The following WLS variants were observed in gnomAD, a reference collection of about 807,000 sequenced individuals.
The protein encoded by WLS is protein wntless homolog.
In WLS, 23 loss-of-function variants were observed where a neutral mutation model predicts 62.8. The observed-to-expected ratio is 0.37, with a 90% CI of 0.26 to 0.52. The LOEUF is 0.52. Ranked by LOEUF, WLS falls within the 20% of genes least tolerant of loss-of-function variation. The pLI is 0.92. For synonymous variants in WLS, 246 were observed against 244.1 expected (o/e 1.01, Z -0.07); for missense variants, 615 against 697.3 (o/e 0.88, Z 1.33).
At chr1:68,148,095 A>G in intron 8 of WLS, 41 bp downstream of exon 8, 2 of 1,608,272 alleles carry the variant, frequency 1.2e-6, no homozygotes, top group Non-Finnish European at 8.5e-7. Context: ...CTGGGTGGCC[A>G]GGGGAAGAAA....
intron 1 of WLS, among the ~76,000 whole-genome samples, chr1:68,210,430 G>A (rs1649467407): frequency 6.6e-6 from 1 of 152,194 alleles, no homozygotes; most frequent in Admixed American, 6.5e-5. Context: ...GCATTCATGA[G>A]TGGAAATTAC....
chr1:68,152,068 G>C (rs991947212), intron 5 of WLS, among the ~76,000 whole-genome samples: 3 of 152,160 alleles, frequency 2.0e-5, no homozygotes, highest in African/African-American at 7.2e-5. Context: ...AGACATACAG[G>C]ATGACTCACT....
chr1:68,150,171 C>T lies in WLS; in HGVS notation c.972+17G>A. 6.2e-7 allele frequency: 1 copy of T among 1,612,678 alleles called. No homozygotes were observed. Among genetic ancestry groups the T allele is most frequent in the Non-Finnish European group, 8.5e-7 (1 of 1,179,290 alleles). On this transcript the variant is annotated intron_variant, in intron 6 of 11. Coordinates refer to ENST00000262348, the MANE Select transcript of WLS (RefSeq NM_024911.7). ...GAGCAGCTGGTACAGACGTCTGTCC[C>T]TCCCGGCGGCTCTTACCATCATGTG...
chr1:68,212,989 A>G (rs563722912), intron 1 of WLS, among the ~76,000 whole-genome samples: 113 of 152,350 alleles, frequency 7.4e-4, no homozygotes, highest in Non-Finnish European at 1.3e-3. Context: ...CATCTAAAAT[A>G]AATTTCTAAT....
chr1:68,175,978 A>G (rs532933821), intron 2 of WLS, among the ~76,000 whole-genome samples: 2 of 152,342 alleles, frequency 1.3e-5, no homozygotes, highest in South Asian at 2.1e-4. Flanking sequence ...TTTGTTTCTG[A>G]CAAGTTTCGT....
chr1:68,110,163 A>C (rs1194802648), intron 11 of WLS, among the ~76,000 whole-genome samples: 1 of 151,912 alleles, frequency 6.6e-6, no homozygotes, highest in Non-Finnish European at 1.5e-5. Context: ...ATAAATATGT[A>C]TGAACAAAGG....
intron 1 of WLS, among the ~76,000 whole-genome samples, chr1:68,213,172 C>T (rs111858378): frequency 4.6e-5 from 7 of 152,038 alleles, no homozygotes; most frequent in African/African-American, 7.2e-5. Context: ...GAAGTAAAGC[C>T]GGGCGTGGTG....
chr1:68,193,463 G>C (rs1648481390), intron 2 of WLS, among the ~76,000 whole-genome samples: 3 of 133,780 alleles, frequency 2.2e-5, no homozygotes, highest in Non-Finnish European at 3.1e-5. Flanking sequence ...ACCTGGTTTG[G>C]TGGGGAAATG....
chr1:68,224,358 T>C (rs1045413230), intron 1 of WLS, among the ~76,000 whole-genome samples: 3 of 152,194 alleles, frequency 2.0e-5, no homozygotes, highest in Non-Finnish European at 4.4e-5. Flanking sequence ...CAGTCTCATA[T>C]ATTTCCAGAG....
intron 1 of WLS, among the ~76,000 whole-genome samples, chr1:68,230,802 G>A (rs891174841): frequency 6.6e-6 from 1 of 152,134 alleles, no homozygotes; most frequent in Non-Finnish European, 1.5e-5. Context: ...TAAGACAATT[G>A]GCTTGGATGT....
chr1:68,171,246 C>T (rs888143511), intron 2 of WLS, among the ~76,000 whole-genome samples: 3 of 152,196 alleles, frequency 2.0e-5, no homozygotes, highest in African/African-American at 7.2e-5. Flanking sequence ...CCATTCAGGA[C>T]ATAGGCATGG....
chr1:68,141,488 TA>T, intron 10 of WLS: 1 of 152,252 alleles, frequency 6.6e-6, no homozygotes, highest in Middle Eastern at 3.4e-3. Context: ...CTGAGGCCAT[TA>T]AAATGGCAGG....
At chr1:68,147,071 G>A (rs181474196) in intron 8 of WLS, among the ~76,000 whole-genome samples, 71 of 152,130 alleles carry the variant, frequency 4.7e-4, no homozygotes, top group African/African-American at 1.6e-3. Flanking sequence ...ATTTTTAAAA[G>A]CATTTAATAA....
intron 2 of WLS, among the ~76,000 whole-genome samples, chr1:68,190,601 C>T (rs965186575): frequency 8.5e-5 from 13 of 152,202 alleles, no homozygotes; most frequent in Admixed American, 2.6e-4. Flanking sequence ...AGCCTGCCAA[C>T]AACCATGTGA....
intron 2 of WLS, chr1:68,162,598 A>T: frequency 7.1e-7 from 1 of 1,412,116 alleles, no homozygotes; most frequent in South Asian, 1.2e-5. Flanking sequence ...GTTCTGCTCC[A>T]TGCTCTGAAC....
intron 1 of WLS, among the ~76,000 whole-genome samples, chr1:68,207,427 C>A (rs1250462563): frequency 1.3e-5 from 2 of 152,164 alleles, no homozygotes; most frequent in African/African-American, 4.8e-5. Context: ...GCCAAGAGAT[C>A]ATTGACAAAA....
At position 68,232,318 on chromosome 1, in the gene WLS, TC is replaced by T. The variant is rs940280729; in HGVS notation, c.-20del. The T allele has an allele frequency of 6.2e-7, 1 of 1,612,856 alleles. No homozygotes were observed. The highest frequency in any genetic ancestry group is 1.3e-5 in the African/African-American group (1 of 74,846). On this transcript the variant is annotated 5_prime_UTR_variant, in exon 1 of 12. Transcript: ENST00000262348. ...CAGCCATTTTTGCGCCCCCCCTTTT[TC>T]TTTTCTCCTTGAAATAAATGTTTTA...
At chr1:68,183,672 G>A (rs1415976750) in intron 2 of WLS, 1 of 333,192 alleles carries the variant, frequency 3.0e-6, no homozygotes, top group African/African-American at 2.2e-5. Flanking sequence ...TCAATAGATT[G>A]TTCCCTTTAT....
chr1:68,223,706 T>G (rs2100665036), intron 1 of WLS, among the ~76,000 whole-genome samples: 1 of 152,266 alleles, frequency 6.6e-6, no homozygotes, highest in South Asian at 2.1e-4. Context: ...GCAATCCCCA[T>G]GAGGAAGGAG....
Sources: allele counts gnomAD v4.1 joint callset (sites outside exome capture counted in the v4.1 genomes callset), GRCh38; gene constraint gnomAD v4.1.1; transcripts MANE v1.5; gene names NCBI Gene and HGNC (gene_info 2026-07-23, HGNC 2026-07-21).